Variants in PDGFD observed in about 807,000 individuals in gnomAD.
PDGFD encodes the protein platelet-derived growth factor D.
A neutral mutation model predicts 44.7 loss-of-function variants in PDGFD; 30 were observed. The ratio of observed to expected loss-of-function variants is 0.67; its 90% CI spans 0.50 to 0.91. The LOEUF is 0.91. Among genes scored for constraint, PDGFD ranks in the 40% least tolerant of loss-of-function variants. PDGFD has a pLI of 0.00. For missense variants in PDGFD, 445 were observed against 457.8 expected, an observed-to-expected ratio of 0.97 and a Z score of 0.25; for synonymous variants, 173 against 168.4, an observed-to-expected ratio of 1.03 and a Z score of -0.21.
At position 103,907,364 on chromosome 11, in the gene PDGFD, C is replaced by T. The variant is rs867500783; in HGVS notation, c.*2330G>A. The T allele has an allele frequency of 1.2e-4, 19 of 152,068 alleles. No homozygotes were observed. Among genetic ancestry groups the T allele is most frequent in the Non-Finnish European group, 8.8e-5 (6 of 68,018 alleles). 9.4% of individuals were successfully genotyped at this position (152,068 alleles called of 1,614,324 possible). A position where few individuals can be genotyped will look rare whatever the true frequency, so the allele number is the denominator to read the frequency against. ...ACATATTCAATAAAAGGCATTATTC[C>T]AGGTGAATGAGCCATGCGGAAATGT... On this transcript the variant is annotated 3_prime_UTR_variant, in exon 7 of 7. Transcript: ENST00000393158.
At chr11:104,010,789 T>C (rs571216411) in intron 1 of PDGFD, among the ~76,000 whole-genome samples, 3 of 152,176 alleles carry the variant, frequency 2.0e-5, no homozygotes, top group Non-Finnish European at 4.4e-5. Context: ...AAAAATGAAA[T>C]AATAAAATTC....
chr11:104,136,789 A>G (rs1862011389), intron 1 of PDGFD, among the ~76,000 whole-genome samples: 1 of 152,178 alleles, frequency 6.6e-6, no homozygotes, highest in African/African-American at 2.4e-5. Flanking sequence ...CACCATACCA[A>G]TCTGTCATCA....
chr11:103,966,254 A>C (rs1356583849), intron 3 of PDGFD, among the ~76,000 whole-genome samples: 1 of 152,186 alleles, frequency 6.6e-6, no homozygotes, highest in African/African-American at 2.4e-5. Flanking sequence ...TCACAGTGTC[A>C]GATAATGCTG....
chr11:103,949,737 C>T (rs144382650), intron 3 of PDGFD, among the ~76,000 whole-genome samples: 6 of 152,250 alleles, frequency 3.9e-5, no homozygotes, highest in Admixed American at 6.5e-5. Context: ...GTGCAGTAAA[C>T]GCATGTGGGT....
At chr11:104,036,564 T>A in intron 1 of PDGFD, 3 of 536,984 alleles carry the variant, frequency 5.6e-6, no homozygotes, top group South Asian at 2.5e-5. Flanking sequence ...CATTCTAGGT[T>A]CCAAACAGCA....
intron 3 of PDGFD, among the ~76,000 whole-genome samples, chr11:103,969,404 C>A (rs1054696511): frequency 6.7e-6 from 1 of 149,810 alleles, no homozygotes; most frequent in Non-Finnish European, 1.5e-5. Context: ...TGTGTGACAA[C>A]TCAAGGTTCT....
chr11:104,060,626 T>C (rs1026459746), intron 1 of PDGFD, among the ~76,000 whole-genome samples: 3 of 152,152 alleles, frequency 2.0e-5, no homozygotes, highest in Non-Finnish European at 4.4e-5. Flanking sequence ...CTTCTGTTTG[T>C]CCAGCTTAGT....
intron 1 of PDGFD, among the ~76,000 whole-genome samples, chr11:104,070,696 C>T (rs1044307864): frequency 2.6e-5 from 4 of 152,076 alleles, no homozygotes; most frequent in African/African-American, 9.7e-5. Flanking sequence ...TTCTGAAAAT[C>T]ACTCCCCATC....
chr11:104,000,356 C>T lies in PDGFD; in HGVS notation c.125-101G>A. The T allele has an allele frequency of 1.3e-5, 13 of 1,019,756 alleles. No individual in the cohort carries two copies. The South Asian group carries it at 1.7e-4, about 13-fold the overall frequency. The allele number at this position is 1,019,756 out of a possible 1,614,324, so 63.2% of individuals were successfully genotyped here. A position where few individuals can be genotyped will look rare whatever the true frequency, so the allele number is the denominator to read the frequency against. ...CAACACATCATACTTCAAAACACTT[C>T]TTTATTTTGCCTAAAAACATTAAGT... On this transcript the variant is annotated intron_variant, in intron 1 of 6. Coordinates refer to ENST00000393158, the MANE Select transcript of PDGFD (RefSeq NM_025208.5).
chr11:104,142,967 A>T (rs1862106743), intron 1 of PDGFD, among the ~76,000 whole-genome samples: 1 of 152,120 alleles, frequency 6.6e-6, no homozygotes, highest in African/African-American at 2.4e-5. Context: ...TGCTCTCTGA[A>T]AGCACCATGC....
At chr11:103,918,806 A>G (rs1858164525) in intron 6 of PDGFD, among the ~76,000 whole-genome samples, 1 of 152,188 alleles carries the variant, frequency 6.6e-6, no homozygotes, top group African/African-American at 2.4e-5. Context: ...AGGTTCAGGT[A>G]CACAGCATTG....
intron 1 of PDGFD, among the ~76,000 whole-genome samples, chr11:104,155,199 T>C (rs773168175): frequency 2.6e-5 from 4 of 152,212 alleles, no homozygotes; most frequent in Non-Finnish European, 5.9e-5. Context: ...CAATTTCTGG[T>C]TGAAATACAT....
At chr11:104,109,493 A>G (rs1278709544) in intron 1 of PDGFD, among the ~76,000 whole-genome samples, 1 of 152,204 alleles carries the variant, frequency 6.6e-6, no homozygotes, top group African/African-American at 2.4e-5. Flanking sequence ...AAAATTTAGC[A>G]ACATCTATTA....
intron 3 of PDGFD, among the ~76,000 whole-genome samples, chr11:103,954,318 C>T (rs11821319): frequency 2.2e-4 from 33 of 152,346 alleles, no homozygotes; most frequent in African/African-American, 7.2e-4. Flanking sequence ...AAATCCCTCT[C>T]CTGTCCCTTG....
intron 1 of PDGFD, among the ~76,000 whole-genome samples, chr11:104,090,265 C>T (rs879027893): frequency 6.6e-6 from 1 of 151,682 alleles, no homozygotes; most frequent in Non-Finnish European, 1.5e-5. Flanking sequence ...CAAGCCTATA[C>T]AAAACTTCCA....
At chr11:104,071,544 A>G (rs921586705) in intron 1 of PDGFD, among the ~76,000 whole-genome samples, 1 of 151,828 alleles carries the variant, frequency 6.6e-6, no homozygotes, top group South Asian at 2.1e-4. Context: ...ATATGTAAGT[A>G]AAAGTATCCC....
intron 6 of PDGFD, among the ~76,000 whole-genome samples, chr11:103,925,482 G>A (rs1254621062): frequency 6.6e-6 from 1 of 151,728 alleles, no homozygotes; most frequent in Non-Finnish European, 1.5e-5. Context: ...TTGACCCTCA[G>A]AGCAACTCTG....
chr11:103,943,734 AT>A, intron 4 of PDGFD, 84 bp from the exon 5 acceptor site: 1 of 1,152,180 alleles, frequency 8.7e-7, no homozygotes, highest in South Asian at 1.4e-5. Context: ...CGGAAGGAAC[AT>A]AAACAGGCTT....
In PDGFD at chr11:104,087,678, G is replaced by A. The variant is rs552985498; in HGVS notation, c.124+76126C>T. On this transcript the variant is annotated intron_variant, in intron 1 of 6. Coordinates refer to ENST00000393158, the MANE Select transcript of PDGFD (RefSeq NM_025208.5). ...CTTACATTTCCCTAAACAACTATTC[G>A]GAAAGATTTTAGGTTCAGGATGCCC... is the stretch of plus-strand genomic sequence containing the variant. Among the ~76,000 whole-genome samples, 8 of 152,218 alleles carry A rather than the reference G, an allele frequency of 5.3e-5. No homozygotes were observed. In the East Asian group the frequency reaches 7.7e-4, roughly 15 times the overall value.
Sources: allele counts gnomAD v4.1 joint callset (sites outside exome capture counted in the v4.1 genomes callset), GRCh38; gene constraint gnomAD v4.1.1; transcripts MANE v1.5; gene names NCBI Gene and HGNC (gene_info 2026-07-23, HGNC 2026-07-21).